The following TLE3 variants were observed in gnomAD, a reference collection of about 807,000 sequenced individuals.
TLE3 encodes transducin-like enhancer protein 3.
A neutral mutation model predicts 93.0 loss-of-function variants in TLE3; 14 were observed. The ratio of observed to expected loss-of-function variants is 0.15; its 90% CI spans 0.10 to 0.24. TLE3 has a LOEUF of 0.24. TLE3 is among the 10% of genes least tolerant of loss of function. TLE3 has a pLI of 1.00. For missense variants in TLE3, 693 were observed against 1,046.6 expected (o/e 0.66, Z 4.66); for synonymous variants, 451 against 425.0 (o/e 1.06, Z -0.75).
intron 9 of TLE3, 28 bp from the exon 10 acceptor site, chr15:70,059,488 C>G: frequency 6.3e-7 from 1 of 1,594,706 alleles, no homozygotes; most frequent in South Asian, 1.1e-5. Context: ...GCCAACTGGT[C>G]AGTAAGAGGC....
At chr15:70,051,327 AT>A (rs1477650163) in intron 19 of TLE3, 63 bp downstream of exon 19, 1 of 1,490,256 alleles carries the variant, frequency 6.7e-7, no homozygotes, top group Admixed American at 2.0e-5. Context: ...CCTCACTCCC[AT>A]CACCATCACC....
rs2058606227 is a variant in TLE3 at position 70,097,174 on chromosome 15, G to A, written c.-376C>T. 4.8e-6 allele frequency: 2 copies of A among 418,980 alleles called. No homozygotes were observed. The highest frequency in any genetic ancestry group is 8.3e-6 in the Non-Finnish European group (2 of 241,424). The allele number at this position is 418,980 out of a possible 1,614,324, so 26.0% of individuals were successfully genotyped here. The stretch of plus-strand genomic sequence containing the variant: ...GGTCCGGCGCGGGGTCCCGAGGCCG[G>A]GGGCCCCTCCTGGGGCGAGCTCGGG... On this transcript the variant is annotated 5_prime_UTR_variant, in exon 1 of 20. Transcript: ENST00000451782.
chr15:70,060,317 G>A (rs1055943122), intron 9 of TLE3, among the ~76,000 whole-genome samples: 11 of 152,130 alleles, frequency 7.2e-5, no homozygotes, highest in South Asian at 2.1e-4. Flanking sequence ...ATCCACCTCC[G>A]CCCCACAGTG....
chr15:70,060,448 C>G, intron 9 of TLE3, 82 bp downstream of exon 9: 3 of 1,574,628 alleles, frequency 1.9e-6, no homozygotes, highest in Admixed American at 1.8e-5. Flanking sequence ...ACAAGAAGAC[C>G]CTGGCCACAG....
chr15:70,077,575 C>T (rs996442102), intron 4 of TLE3, among the ~76,000 whole-genome samples: 4 of 152,224 alleles, frequency 2.6e-5, no homozygotes, highest in South Asian at 2.1e-4. Context: ...CTAAAGAGGA[C>T]GCCTCTGGTT....
chr15:70,067,702 G>A (rs1261087496), intron 6 of TLE3, among the ~76,000 whole-genome samples: 2 of 152,214 alleles, frequency 1.3e-5, no homozygotes, highest in African/African-American at 4.8e-5. Context: ...AAGCATTTCA[G>A]GTTATGGATA....
At chr15:70,087,562 T>C (rs2058089238) in intron 4 of TLE3, among the ~76,000 whole-genome samples, 1 of 152,222 alleles carries the variant, frequency 6.6e-6, no homozygotes, top group African/African-American at 2.4e-5. Flanking sequence ...CTGGATCCTA[T>C]CCTTCACACA....
At position 70,047,810 on chromosome 15, in the gene TLE3, G is replaced by A. The variant is rs547128617; in HGVS notation, c.*2287C>T. On this transcript the variant is annotated 3_prime_UTR_variant, in exon 20 of 20. Transcript: ENST00000451782. ...TGCAGTTTCGCTTCAAGTTCATTAC[G>A]TTTAATTTTTTTCCAAAAAAGTTTT... The A allele has an allele frequency of 1.3e-5, 2 of 152,268 alleles. No homozygotes were observed. Among genetic ancestry groups the A allele is most frequent in the South Asian group, 4.1e-4 (2 of 4,830 alleles). The allele number at this position is 152,268 out of a possible 1,614,324, so 9.4% of individuals were successfully genotyped here.
Position 70,058,797 on chromosome 15 carries a change from C to A in TLE3, c.784G>T (p.Val262Phe). Residue 262 changes from valine to phenylalanine, a missense_variant, in exon 11 of 20, where the codon GTC becomes TTC. By Grantham distance (50) the Val-to-Phe change is conservative. This residue lies in a region of TLE3 where 405 missense variants were observed against 468.9 expected (regional missense o/e 0.86). Transcript: ENST00000451782. This position sits in a 1 kb window ranked among gnomAD's most constrained non-coding sequence, Gnocchi z 4.1. ...TCAGGAGGGGAGTGTGCCGGGCTGA[C>A]CCGGGGCGTTGCGGGGTCCTGAAAA... is the stretch of plus-strand genomic sequence containing the variant. ...VSNEDPATPR[V>F]SPAHSPPENG... is the part of the protein sequence containing the mutation. The A allele has an allele frequency of 6.3e-7, 1 of 1,594,346 alleles. No homozygotes were observed. The highest frequency in any genetic ancestry group is 8.5e-7 in the Non-Finnish European group (1 of 1,171,780).
intron 18 of TLE3, among the ~76,000 whole-genome samples, chr15:70,052,142 G>A (rs1417314139): frequency 6.6e-6 from 1 of 152,208 alleles, no homozygotes; most frequent in Non-Finnish European, 1.5e-5. Flanking sequence ...ACTGGCTCTG[G>A]CCTAGTGTCC....
At chr15:70,078,352 A>G (rs932077516) in intron 4 of TLE3, among the ~76,000 whole-genome samples, 1 of 152,224 alleles carries the variant, frequency 6.6e-6, no homozygotes, top group Non-Finnish European at 1.5e-5. Context: ...CTTTGAGTTC[A>G]TGCACCAAAT....
chr15:70,056,010 C>T (rs910041288), intron 14 of TLE3: 17 of 510,408 alleles, frequency 3.3e-5, no homozygotes, highest in Non-Finnish European at 6.1e-5. Flanking sequence ...CCAGGTGACT[C>T]GGTGAGGAGT....
At chr15:70,090,350 T>C (rs899426822) in intron 4 of TLE3, among the ~76,000 whole-genome samples, 2 of 151,644 alleles carry the variant, frequency 1.3e-5, no homozygotes, top group African/African-American at 4.9e-5. Context: ...AAAAAAAAAA[T>C]TTCACAGCTC....
intron 8 of TLE3, among the ~76,000 whole-genome samples, chr15:70,064,023 G>A (rs150487578): frequency 0.011 from 1,732 of 152,266 alleles, 15 homozygotes; most frequent in Non-Finnish European, 0.017. Context: ...AAAGCCCCTC[G>A]CAATGGAAGA....
At chr15:70,053,858 T>C (rs184694962) in intron 16 of TLE3, 205 of 159,770 alleles carry the variant, frequency 1.3e-3, no homozygotes, top group Non-Finnish European at 2.4e-3. Flanking sequence ...GCATGAACTA[T>C]GGGGCTGAGG....
chr15:70,055,208 G>A lies in TLE3; in HGVS notation c.1419C>T (p.His473=), dbSNP rs754938695. The change falls in exon 15 of 20, where the codon CAC becomes CAT. Residue 473 remains histidine (H), a synonymous_variant. Transcript: ENST00000451782. ...DALAGPGIPR[H]ARQINTLSHG... ...GGCTGAGTGTGTTGATCTGCCGGGC[G>A]TGCCTCGGGATGCCGGGGCCTGCCA... 5.5e-5 allele frequency: 88 copies of A among 1,613,722 alleles called. No homozygotes were observed. The highest frequency in any genetic ancestry group is 1.6e-4 in the Middle Eastern group (1 of 6,082).
Position 70,058,455 on chromosome 15 carries a change from G to T in TLE3, c.919-164C>A. The T allele has an allele frequency of 1.5e-6, 2 of 1,330,128 alleles. No individual in the cohort carries two copies. Among genetic ancestry groups the T allele is most frequent in the East Asian group, 2.4e-5 (1 of 42,156 alleles). The allele number at this position is 1,330,128 out of a possible 1,614,324, so 82.4% of individuals were successfully genotyped here. On this transcript the variant is annotated intron_variant, in intron 11 of 19. Transcript: ENST00000451782. The surrounding 1 kb of genome is among the most constrained non-coding windows in gnomAD (Gnocchi z 4.1). ...TGCCCAACCTTGTTTGGCAGGGACT[G>T]GGGTGATCACTCCCATTTTACAGAC...
intron 4 of TLE3, among the ~76,000 whole-genome samples, chr15:70,088,415 T>TG (rs2058135177): frequency 6.6e-6 from 1 of 152,078 alleles, no homozygotes; most frequent in Non-Finnish European, 1.5e-5. Flanking sequence ...TTATAAAGAA[T>TG]TTTTTTTAAA....
In TLE3 at chr15:70,095,486, G is replaced by A. The variant is rs1316144417; in HGVS notation, c.189+92C>T. The A allele has an allele frequency of 7.8e-6, 12 of 1,546,702 alleles. No individual in the cohort carries two copies. In the South Asian group the frequency reaches 1.1e-4, roughly 14 times the overall value. Reference sequence around the variant, plus strand: ...GGCCGCCCTGCGGCTGGGCGGTGGTGGGGACCTGGCGCTCATCTCCCCAGA... The same window carrying A: ...GGCCGCCCTGCGGCTGGGCGGTGGTAGGGACCTGGCGCTCATCTCCCCAGA... On this transcript the variant is annotated intron_variant, in intron 3 of 19. Coordinates refer to ENST00000451782, the MANE Select transcript of TLE3 (RefSeq NM_001105192.3).
Sources: gnomAD v4.1 joint callset for allele counts (sites outside exome capture counted in the v4.1 genomes callset) on GRCh38, gnomAD v4.1.1 for gene constraint, gnomAD v4.1.1 regional missense constraint, Gnocchi (gnomAD v3.1) non-coding constraint, MANE v1.5 for transcripts, NCBI Gene and HGNC (gene_info 2026-07-23, HGNC 2026-07-21) for gene names.